The following PNKD variants were observed in gnomAD, a reference collection of about 807,000 sequenced individuals.
PNKD encodes the protein probable thioesterase PNKD.
Under a neutral mutation model 45.3 loss-of-function variants are expected in PNKD, and 36 were observed. The observed-to-expected ratio is 0.80, with a 90% CI of 0.61 to 1.05. The LOEUF (loss-of-function observed/expected upper bound fraction) is 1.05, where lower values mean the gene tolerates loss of function less well. PNKD is among the 50% of genes least tolerant of loss of function. PNKD has a pLI of 0.00. For missense variants in PNKD, 511 were observed against 506.6 expected, an observed-to-expected ratio of 1.01 and a Z score of -0.08; for synonymous variants, 197 against 210.1, an observed-to-expected ratio of 0.94 and a Z score of 0.54.
At chr2:218,330,380 G>T (rs925543542) in intron 2 of PNKD, among the ~76,000 whole-genome samples, 1 of 152,098 alleles carries the variant, frequency 6.6e-6, no homozygotes, top group Non-Finnish European at 1.5e-5. Context: ...AGGGGCGTCT[G>T]GGGGGGCAGT....
intron 2 of PNKD, among the ~76,000 whole-genome samples, chr2:218,300,159 G>A (rs1043551188): frequency 6.6e-6 from 1 of 152,084 alleles, no homozygotes; most frequent in Non-Finnish European, 1.5e-5. Flanking sequence ...TCTACCTTAT[G>A]GTTCTCAGCA....
intron 2 of PNKD, chr2:218,323,180 G>C (rs889665823): frequency 1.0e-5 from 14 of 1,376,860 alleles, no homozygotes; most frequent in East Asian, 9.5e-5. Flanking sequence ...GTCCAGAGCC[G>C]GCAGGCAGGT....
At chr2:218,344,398 C>A in intron 8 of PNKD, 57 bp from the exon 9 acceptor site, 1 of 1,292,456 alleles carries the variant, frequency 7.7e-7, no homozygotes, top group Non-Finnish European at 1.1e-6. Flanking sequence ...GAAGACTGTT[C>A]TGACTGTACC....
intron 2 of PNKD, chr2:218,316,880 T>A (rs1693829961): frequency 6.6e-6 from 1 of 152,248 alleles, no homozygotes; most frequent in Non-Finnish European, 1.5e-5. Context: ...TCAGGTTGGT[T>A]CAGGTAGGTC....
intron 2 of PNKD, chr2:218,323,026 GCCCCGC>G: frequency 2.3e-6 from 1 of 430,550 alleles, no homozygotes; most frequent in Non-Finnish European, 3.6e-6. Flanking sequence ...GCCCGCTGTG[GCCCCGC>G]CTCCTGGCCG....
At chr2:218,315,120 C>CCTTCCTTTCTTT (rs1553667878) in intron 2 of PNKD, among the ~76,000 whole-genome samples, 1 of 47,104 alleles carries the variant, frequency 2.1e-5, no homozygotes, top group African/African-American at 4.1e-5. Flanking sequence ...TTCCTTCCTT[C>CCTTCCTTTCTTT]CTTTCTTTCT....
At chr2:218,330,030 C>G (rs1255875224) in intron 2 of PNKD, among the ~76,000 whole-genome samples, 1 of 152,212 alleles carries the variant, frequency 6.6e-6, no homozygotes, top group Non-Finnish European at 1.5e-5. Context: ...CCGGCCAGGC[C>G]CCACCAGCCT....
chr2:218,336,798 T>C (rs1694508138), intron 2 of PNKD, among the ~76,000 whole-genome samples: 1 of 140,776 alleles, frequency 7.1e-6, no homozygotes, highest in South Asian at 2.4e-4. Context: ...CTTTTTTTTT[T>C]TTTTTTTTTT....
At position 218,340,431 on chromosome 2, in the gene PNKD, C is replaced by T. The variant is rs1694639170; in HGVS notation, c.465+290C>T. Among the ~76,000 whole-genome samples the T allele has an allele frequency of 1.3e-5, 2 of 152,046 alleles. No individual in the cohort carries two copies. On this transcript the variant is annotated intron_variant, in intron 4 of 9. Transcript: ENST00000273077. The surrounding 1 kb of genome is among the most constrained non-coding windows in gnomAD (Gnocchi z 4.2). ...GCTGGCTTTCACTCCCATTGGCCCC[C>T]TTCAGACCCCCTTTCTTTCTGTCAC...
intron 2 of PNKD, among the ~76,000 whole-genome samples, chr2:218,288,166 C>T (rs7577185): frequency 0.11 from 16,100 of 152,242 alleles, 1,830 homozygotes; most frequent in African/African-American, 0.29. Context: ...TGGCGGCTCA[C>T]GCCTGTAATC....
At chr2:218,275,665 G>C (rs761042621) in intron 2 of PNKD, 11 of 1,582,580 alleles carry the variant, frequency 7.0e-6, no homozygotes, top group Non-Finnish European at 7.7e-6. Context: ...AGGCATCAGT[G>C]TCCAGAGCTC....
intron 2 of PNKD, chr2:218,323,251 G>A: frequency 6.8e-7 from 1 of 1,479,052 alleles, no homozygotes; most frequent in Non-Finnish European, 8.9e-7. Flanking sequence ...CCCGGCCGGC[G>A]CGTGCCTGCC....
At chr2:218,332,728 C>T (rs902461131) in intron 2 of PNKD, among the ~76,000 whole-genome samples, 2 of 152,070 alleles carry the variant, frequency 1.3e-5, no homozygotes, top group African/African-American at 4.8e-5. Flanking sequence ...TCTCTCCCAC[C>T]TGGATGACTC....
At chr2:218,344,769 C>A in intron 9 of PNKD, 39 bp from the exon 10 acceptor site, 1 of 1,605,038 alleles carries the variant, frequency 6.2e-7, no homozygotes, top group Non-Finnish European at 8.5e-7. Flanking sequence ...GTCCATTTCC[C>A]AGCTTCTCTC....
At position 218,326,270 on chromosome 2, in the gene PNKD, A is replaced by G. The variant is rs1694154249; in HGVS notation, c.237-13513A>G. ...CATCCCTGGTGTTTGGCAATTTAAT[A>G]AAAGGCTTTCCTTAACCATAACTAC... On this transcript the variant is annotated intron_variant, in intron 2 of 9. Transcript: ENST00000273077. The surrounding 1 kb of genome is among the most constrained non-coding windows in gnomAD (Gnocchi z 4.1). Among the ~76,000 whole-genome samples the G allele has an allele frequency of 6.6e-6, 1 of 152,180 alleles. No homozygotes were observed. The highest frequency in any genetic ancestry group is 2.4e-5 in the African/African-American group (1 of 41,434).
At chr2:218,332,234 G>C (rs763108409) in intron 2 of PNKD, among the ~76,000 whole-genome samples, 3 of 152,210 alleles carry the variant, frequency 2.0e-5, no homozygotes, top group Non-Finnish European at 4.4e-5. Flanking sequence ...CCCTAGGTGA[G>C]TTTCCAGGGC....
intron 2 of PNKD, among the ~76,000 whole-genome samples, chr2:218,304,824 C>T (rs1693366053): frequency 1.3e-5 from 2 of 151,880 alleles, no homozygotes; most frequent in Non-Finnish European, 2.9e-5. Flanking sequence ...CCTGTAATCC[C>T]AGCACTTTGG....
At chr2:218,294,013 TTAAG>T (rs1693074100) in intron 2 of PNKD, among the ~76,000 whole-genome samples, 1 of 151,992 alleles carries the variant, frequency 6.6e-6, no homozygotes, top group African/African-American at 2.4e-5. Context: ...TAAATATAGT[TTAAG>T]TAGGAGTTAC....
chr2:218,305,215 A>C (rs1220096194), intron 2 of PNKD, among the ~76,000 whole-genome samples: 1 of 152,150 alleles, frequency 6.6e-6, no homozygotes, highest in Non-Finnish European at 1.5e-5. Context: ...TCCTTCCCAC[A>C]CAACAGAACA....
Sources: gnomAD v4.1 joint callset for allele counts (sites outside exome capture counted in the v4.1 genomes callset) on GRCh38, gnomAD v4.1.1 for gene constraint, Gnocchi (gnomAD v3.1) non-coding constraint, MANE v1.5 for transcripts, NCBI Gene and HGNC (gene_info 2026-07-23, HGNC 2026-07-21) for gene names.